Variants in DPP10 observed in about 807,000 individuals in gnomAD.
DPP10 encodes the protein dipeptidyl peptidase like 10.
In DPP10, 33 loss-of-function variants were observed where a neutral mutation model predicts 120.9. The observed-to-expected ratio is 0.27, with a 90% confidence interval of 0.21 to 0.37. DPP10 has a LOEUF of 0.37. DPP10 is among the 10% of genes least tolerant of loss of function. The pLI, the probability that DPP10 is intolerant of heterozygous loss-of-function variation, is 1.00. For synonymous variants in DPP10, 337 were observed against 326.1 expected, an observed-to-expected ratio of 1.03 and a Z score of -0.36; for missense variants, 816 against 942.8, an observed-to-expected ratio of 0.87 and a Z score of 1.76.
At chr2:115,743,145 C>T (rs1677499351) in intron 9 of DPP10, among the ~76,000 whole-genome samples, 1 of 151,822 alleles carries the variant, frequency 6.6e-6, no homozygotes, top group Admixed American at 6.6e-5. Context: ...CTGTAAAAAG[C>T]AAATAGATGA....
At chr2:115,589,873 AACAG>A (rs1469269780) in intron 5 of DPP10, among the ~76,000 whole-genome samples, 6 of 152,124 alleles carry the variant, frequency 3.9e-5, no homozygotes, top group East Asian at 1.9e-4. Context: ...TAACTCATCT[AACAG>A]ACAGTCATGC....
intron 3 of DPP10, among the ~76,000 whole-genome samples, chr2:115,353,222 C>A (rs771824833): frequency 2.3e-4 from 35 of 152,116 alleles, no homozygotes; most frequent in Non-Finnish European, 4.9e-4. Context: ...GTCTAGAGGG[C>A]AGATGAGCCC....
At chr2:114,834,259 A>ACATATCTACACACCTATGTATATATAAGC (rs1687419630) in intron 1 of DPP10, among the ~76,000 whole-genome samples, 1 of 97,428 alleles carries the variant, frequency 1.0e-5, no homozygotes, top group African/African-American at 4.3e-5. Flanking sequence ...TATATATAAG[A>ACATATCTACACACCTATGTATATATAAGC]CATATCTACA....
intron 1 of DPP10, among the ~76,000 whole-genome samples, chr2:114,526,894 C>T (rs1214577195): frequency 6.6e-6 from 1 of 152,144 alleles, no homozygotes; most frequent in Non-Finnish European, 1.5e-5. Context: ...GTATTTATGT[C>T]TCAGAGATGA....
At chr2:115,265,721 G>C (rs1181999875) in intron 1 of DPP10, among the ~76,000 whole-genome samples, 7 of 152,100 alleles carry the variant, frequency 4.6e-5, no homozygotes, top group Non-Finnish European at 7.4e-5. Context: ...GAAAGGGGCA[G>C]CTACACATAT....
intron 1 of DPP10, among the ~76,000 whole-genome samples, chr2:114,906,321 T>C (rs1007906133): frequency 6.6e-6 from 1 of 151,662 alleles, no homozygotes; most frequent in Non-Finnish European, 1.5e-5. Flanking sequence ...GAGGTGGAGG[T>C]TGCAGTTAGC....
At chr2:114,774,411 T>C (rs552348719) in intron 1 of DPP10, among the ~76,000 whole-genome samples, 1 of 151,528 alleles carries the variant, frequency 6.6e-6, no homozygotes, top group Non-Finnish European at 1.5e-5. Context: ...AAAAAAGTAA[T>C]CTTAAGTCAG....
At chr2:115,815,797 T>G in intron 21 of DPP10, 68 bp downstream of exon 21, 2 of 1,427,392 alleles carry the variant, frequency 1.4e-6, no homozygotes, top group Non-Finnish European at 1.9e-6. Context: ...CTATTACACA[T>G]TCACAGGAGG....
chr2:115,136,203 G>A (rs554223706), intron 1 of DPP10, among the ~76,000 whole-genome samples: 3 of 152,164 alleles, frequency 2.0e-5, no homozygotes, highest in South Asian at 4.2e-4. Flanking sequence ...TTATTGTGCA[G>A]CAGTAGCCCT....
At chr2:114,577,278 G>A (rs1292067982) in intron 1 of DPP10, among the ~76,000 whole-genome samples, 1 of 152,214 alleles carries the variant, frequency 6.6e-6, no homozygotes, top group East Asian at 1.9e-4. Flanking sequence ...ATTTGTCAAA[G>A]AGCACACACT....
At chr2:114,636,652 A>T (rs1193408290) in intron 1 of DPP10, among the ~76,000 whole-genome samples, 1 of 151,926 alleles carries the variant, frequency 6.6e-6, no homozygotes, top group Non-Finnish European at 1.5e-5. Flanking sequence ...TTGAATCAGG[A>T]CAGAGAAAGC....
intron 1 of DPP10, among the ~76,000 whole-genome samples, chr2:114,458,936 C>T (rs977619384): frequency 6.6e-6 from 1 of 152,072 alleles, no homozygotes; most frequent in Admixed American, 6.6e-5. Flanking sequence ...AATATAACTA[C>T]AGTAAGGCAA....
intron 1 of DPP10, among the ~76,000 whole-genome samples, chr2:115,028,070 C>G (rs1157719007): frequency 6.6e-6 from 1 of 151,804 alleles, no homozygotes; most frequent in Non-Finnish European, 1.5e-5. Flanking sequence ...TTTTATCGAC[C>G]TGTTTTACTT....
intron 5 of DPP10, among the ~76,000 whole-genome samples, chr2:115,561,976 T>C (rs2080714100): frequency 6.6e-6 from 1 of 152,218 alleles, no homozygotes; most frequent in Non-Finnish European, 1.5e-5. Flanking sequence ...TTCCTTTCTG[T>C]GAAATCTGAC....
intron 4 of DPP10, among the ~76,000 whole-genome samples, chr2:115,505,738 A>G (rs1017478579): frequency 8.5e-5 from 13 of 152,308 alleles, no homozygotes; most frequent in South Asian, 2.1e-4. Context: ...ACAAAGTGTC[A>G]GACAGAAGGA....
At chr2:115,407,167 G>C (rs1256158271) in intron 3 of DPP10, among the ~76,000 whole-genome samples, 1 of 152,142 alleles carries the variant, frequency 6.6e-6, no homozygotes, top group African/African-American at 2.4e-5. Flanking sequence ...CCTCTACCCT[G>C]TCTCTGCAGT....
intron 1 of DPP10, among the ~76,000 whole-genome samples, chr2:114,990,620 A>T (rs1700702919): frequency 6.6e-6 from 1 of 152,080 alleles, no homozygotes; most frequent in Non-Finnish European, 1.5e-5. Context: ...TTTTTCTATT[A>T]ATATCCCTTT....
intron 1 of DPP10, among the ~76,000 whole-genome samples, chr2:114,629,560 A>G (rs1435847921): frequency 6.6e-6 from 1 of 152,204 alleles, no homozygotes; most frequent in Non-Finnish European, 1.5e-5. Context: ...TAAGATAAAT[A>G]TAATTTCAAA....
chr2:115,575,595 A>T (rs1051440862), intron 5 of DPP10, among the ~76,000 whole-genome samples: 1 of 152,196 alleles, frequency 6.6e-6, no homozygotes, highest in African/African-American at 2.4e-5. Context: ...GCAGAATTTC[A>T]TACATCACCA....
Sources: gnomAD v4.1 joint callset for allele counts (sites outside exome capture counted in the v4.1 genomes callset) on GRCh38, gnomAD v4.1.1 for gene constraint, MANE v1.5 for transcripts, NCBI Gene and HGNC (gene_info 2026-07-23, HGNC 2026-07-21) for gene names.